MCU: variants seen among roughly 807,000 people sequenced by gnomAD.
The protein encoded by MCU is calcium uniporter protein, mitochondrial.
Under a neutral mutation model 45.2 loss-of-function variants are expected in MCU, and 12 were observed. The ratio of observed to expected loss-of-function variants is 0.27; its 90% CI spans 0.17 to 0.43. The LOEUF is 0.43. Among genes scored for constraint, MCU ranks in the 20% least tolerant of loss-of-function variants. The pLI, the probability that MCU is intolerant of heterozygous loss-of-function variation, is 1.00. For missense variants in MCU, 324 were observed against 436.7 expected, an observed-to-expected ratio of 0.74 and a Z score of 2.30; for synonymous variants, 160 against 165.1, an observed-to-expected ratio of 0.97 and a Z score of 0.24.
chr10:72,834,644 A>C (rs905184751), intron 2 of MCU, among the ~76,000 whole-genome samples: 7 of 152,058 alleles, frequency 4.6e-5, no homozygotes, highest in Non-Finnish European at 8.8e-5. Flanking sequence ...TTCCATTAAG[A>C]CTTTATAGGT....
chr10:72,785,145 C>G (rs1844053607), intron 1 of MCU, among the ~76,000 whole-genome samples: 1 of 152,176 alleles, frequency 6.6e-6, no homozygotes, highest in Admixed American at 6.5e-5. Context: ...ACATATATTA[C>G]ACAGTCGGCG....
Position 72,781,201 on chromosome 10 carries a change from T to C in MCU, c.151-53158T>C, listed in dbSNP as rs187459883. ...ATCAGGATAATTCTGGTGAATTGAA[T>C]TTGTCGGGCAGAGTTTGGAGATAAG... On this transcript the variant is annotated intron_variant, in intron 1 of 7. Coordinates refer to ENST00000373053, the MANE Select transcript of MCU (RefSeq NM_138357.3). Among the ~76,000 whole-genome samples the C allele has an allele frequency of 4.5e-3, 682 of 152,328 alleles. 5 individuals carry two copies. The highest frequency in any genetic ancestry group is 0.016 in the African/African-American group (649 of 41,572).
intron 1 of MCU, among the ~76,000 whole-genome samples, chr10:72,771,227 G>A (rs1370838588): frequency 6.6e-6 from 1 of 151,970 alleles, no homozygotes; most frequent in Non-Finnish European, 1.5e-5. Context: ...AGGCCCCAAT[G>A]TGTGATGTTC....
At chr10:72,792,832 G>T (rs1844184236) in intron 1 of MCU, among the ~76,000 whole-genome samples, 2 of 151,618 alleles carry the variant, frequency 1.3e-5, no homozygotes, top group African/African-American at 4.9e-5. Flanking sequence ...GCATTATAGG[G>T]CTAGTGCCCA....
intron 1 of MCU, among the ~76,000 whole-genome samples, chr10:72,763,696 G>C (rs1843686784): frequency 6.6e-6 from 1 of 152,104 alleles, no homozygotes; most frequent in South Asian, 2.1e-4. Context: ...GACTTGATTA[G>C]ATTTCACTTT....
chr10:72,726,848 T>C (rs1044320218), intron 1 of MCU, among the ~76,000 whole-genome samples: 3 of 152,206 alleles, frequency 2.0e-5, no homozygotes, highest in African/African-American at 7.2e-5. Context: ...TTGTTAGTTA[T>C]AGGATTTTTC....
intron 2 of MCU, among the ~76,000 whole-genome samples, chr10:72,850,408 G>C (rs1035052727): frequency 6.6e-6 from 1 of 152,040 alleles, no homozygotes; most frequent in African/African-American, 2.4e-5. Flanking sequence ...ACCCCAACAT[G>C]TGCTTCCTTG....
At chr10:72,816,926 TAAA>T (rs533796066) in intron 1 of MCU, among the ~76,000 whole-genome samples, 3 of 152,220 alleles carry the variant, frequency 2.0e-5, no homozygotes, top group African/African-American at 2.4e-5. Context: ...AATTGACTAA[TAAA>T]AAGTGTTCTA....
At chr10:72,762,062 G>A (rs1263485228) in intron 1 of MCU, among the ~76,000 whole-genome samples, 1 of 152,072 alleles carries the variant, frequency 6.6e-6, no homozygotes, top group Non-Finnish European at 1.5e-5. Flanking sequence ...TGGAAGTTCA[G>A]CCCTTAAATC....
intron 1 of MCU, among the ~76,000 whole-genome samples, chr10:72,737,677 G>T (rs1170589310): frequency 6.6e-6 from 1 of 151,960 alleles, no homozygotes; most frequent in African/African-American, 2.4e-5. Context: ...GCACCACTAT[G>T]CCTGGCTAGT....
intron 1 of MCU, among the ~76,000 whole-genome samples, chr10:72,724,646 T>A (rs1209544353): frequency 6.6e-6 from 1 of 152,210 alleles, no homozygotes; most frequent in East Asian, 1.9e-4. Context: ...GCCAAGTAAA[T>A]ACAGTATTAG....
chr10:72,803,523 G>A (rs1446853198), intron 1 of MCU, among the ~76,000 whole-genome samples: 2 of 151,740 alleles, frequency 1.3e-5, no homozygotes, highest in African/African-American at 4.8e-5. Context: ...AAAGGCTTCT[G>A]TTTTTAAAGG....
At chr10:72,783,852 GTTTC>G (rs768665576) in intron 1 of MCU, among the ~76,000 whole-genome samples, 3 of 151,998 alleles carry the variant, frequency 2.0e-5, no homozygotes, top group Admixed American at 1.3e-4. Flanking sequence ...GATGTTGCTT[GTTTC>G]TTTCTTTATT....
intron 1 of MCU, among the ~76,000 whole-genome samples, chr10:72,814,128 C>G (rs549528450): frequency 2.6e-5 from 4 of 152,278 alleles, no homozygotes; most frequent in Admixed American, 6.5e-5. Context: ...AGGGTCAAAT[C>G]AAATGGAAGA....
At chr10:72,804,477 C>G (rs1340654927) in intron 1 of MCU, among the ~76,000 whole-genome samples, 1 of 152,158 alleles carries the variant, frequency 6.6e-6, no homozygotes, top group East Asian at 1.9e-4. Context: ...ACCTGATACA[C>G]TTCTATAATA....
chr10:72,719,332 T>C (rs368871228), intron 1 of MCU, among the ~76,000 whole-genome samples: 2 of 152,220 alleles, frequency 1.3e-5, no homozygotes, highest in African/African-American at 4.8e-5. Context: ...ATAAGAAGAA[T>C]AAAGTAGCTG....
chr10:72,745,221 A>G (rs1466980175), intron 1 of MCU, among the ~76,000 whole-genome samples: 1 of 152,108 alleles, frequency 6.6e-6, no homozygotes, highest in East Asian at 1.9e-4. Context: ...CTTCCAGTGG[A>G]ATACTGTTCA....
intron 1 of MCU, among the ~76,000 whole-genome samples, chr10:72,749,122 A>C (rs976112511): frequency 7.2e-5 from 11 of 152,088 alleles, no homozygotes; most frequent in African/African-American, 2.7e-4. Flanking sequence ...TGAAAAAAAA[A>C]ATGTTGTTTT....
intron 1 of MCU, among the ~76,000 whole-genome samples, chr10:72,729,751 A>G (rs976233003): frequency 1.3e-5 from 2 of 152,078 alleles, no homozygotes; most frequent in Non-Finnish European, 2.9e-5. Flanking sequence ...CATGACTGAT[A>G]CTTTGTTTCA....
Sources: gnomAD v4.1 joint callset for allele counts (sites outside exome capture counted in the v4.1 genomes callset) on GRCh38, gnomAD v4.1.1 for gene constraint, MANE v1.5 for transcripts, NCBI Gene and HGNC (gene_info 2026-07-23, HGNC 2026-07-21) for gene names.